The following INPP5A variants were observed in gnomAD, a reference collection of about 807,000 sequenced individuals.
The protein encoded by INPP5A is 43 kDa inositol polyphosphate 5-phophatase.
A neutral mutation model predicts 65.2 loss-of-function variants in INPP5A; 14 were observed. The ratio of observed to expected loss-of-function variants is 0.21; its 90% CI spans 0.14 to 0.34. INPP5A has a LOEUF of 0.34. Ranked by LOEUF, INPP5A falls within the 10% of genes least tolerant of loss-of-function variation. The pLI is 1.00. For missense variants in INPP5A, 431 were observed against 545.6 expected (o/e 0.79, Z 2.09); for synonymous variants, 207 against 208.3 (o/e 0.99, Z 0.05).
chr10:132,619,318 C>A (rs1241303842), intron 2 of INPP5A, among the ~76,000 whole-genome samples: 1 of 152,252 alleles, frequency 6.6e-6, no homozygotes, highest in African/African-American at 2.4e-5. Context: ...AATCTTAAAG[C>A]TCCAAAATCA....
chr10:132,769,802 C>A (rs556662090), intron 12 of INPP5A, among the ~76,000 whole-genome samples: 1 of 139,974 alleles, frequency 7.1e-6, no homozygotes, highest in African/African-American at 2.6e-5. Context: ...CCCGTAGCTC[C>A]CCCCCCCCAA....
In INPP5A at chr10:132,749,841, C is replaced by A. The variant is rs1202678834; in HGVS notation, c.899C>A (p.Thr300Asn). ...GAGGTTTTCCGAGACAACAACGGCA[C>A]CGCGGTGAGTTTGTGGTCCAATGTG... ...NQEVFRDNNG[T>N]ALLEFDKELS... Residue 300 changes from threonine to asparagine, a missense_variant, in exon 11 of 16, where the codon ACC (threonine) becomes AAC (asparagine). Physicochemically the swap from Thr to Asn is moderately conservative, Grantham distance 65. Coordinates refer to ENST00000368594, the MANE Select transcript of INPP5A (RefSeq NM_005539.5). The A allele has an allele frequency of 1.2e-6, 2 of 1,613,008 alleles. No individual in the cohort carries two copies. Among genetic ancestry groups the A allele is most frequent in the Admixed American group, 3.3e-5 (2 of 60,028 alleles).
At chr10:132,750,107 C>CA (rs1003694155) in intron 11 of INPP5A, among the ~76,000 whole-genome samples, 1 of 152,238 alleles carries the variant, frequency 6.6e-6, no homozygotes, top group Non-Finnish European at 1.5e-5. Flanking sequence ...AGAGATCCCC[C>CA]CGTGTGCGAG....
intron 2 of INPP5A, among the ~76,000 whole-genome samples, chr10:132,620,391 C>G (rs182888291): frequency 3.9e-5 from 6 of 152,306 alleles, no homozygotes; most frequent in African/African-American, 1.2e-4. Flanking sequence ...ATGTAAGTTC[C>G]AACTGTAAGT....
chr10:132,649,127 G>A (rs758399728), intron 3 of INPP5A, among the ~76,000 whole-genome samples: 5 of 152,122 alleles, frequency 3.3e-5, no homozygotes, highest in Non-Finnish European at 5.9e-5. Context: ...TTAAGTGGCT[G>A]GGCTCTTTTC....
At chr10:132,683,023 C>CAT (rs112678812) in intron 4 of INPP5A, among the ~76,000 whole-genome samples, 4,421 of 146,660 alleles carry the variant, frequency 0.03, 103 homozygotes, top group African/African-American at 0.055. Flanking sequence ...GTGGAGGGCA[C>CAT]GTCTCCTGTG....
chr10:132,645,267 C>T (rs142166961), intron 2 of INPP5A, among the ~76,000 whole-genome samples: 5,218 of 152,306 alleles, frequency 0.034, 139 homozygotes, highest in Middle Eastern at 0.071. Context: ...AGGTTCCCGG[C>T]TCTGCCACTT....
intron 4 of INPP5A, among the ~76,000 whole-genome samples, chr10:132,660,041 G>A (rs967029132): frequency 1.8e-4 from 28 of 152,174 alleles, no homozygotes; most frequent in African/African-American, 5.5e-4. Flanking sequence ...CCCGCGCTCC[G>A]CCGACGCGTG....
intron 1 of INPP5A, among the ~76,000 whole-genome samples, chr10:132,560,983 T>C (rs1203203500): frequency 6.6e-6 from 1 of 151,940 alleles, no homozygotes; most frequent in Non-Finnish European, 1.5e-5. Flanking sequence ...TAGATAGATA[T>C]GTAATTTACA....
rs529499725 is a variant in INPP5A at position 132,659,667 on chromosome 10, G to A, written c.306+9162G>A. On this transcript the variant is annotated intron_variant, in intron 4 of 15. Coordinates refer to ENST00000368594, the MANE Select transcript of INPP5A (RefSeq NM_005539.5). The surrounding 1 kb of genome is among the most constrained non-coding windows in gnomAD (Gnocchi z 5.5). The stretch of plus-strand genomic sequence containing the variant: ...TCCCCTGCAGAGGAGACCTCTGCAC[G>A]CAGGCCCACAGCAAGGGCCGGATCA... 6.6e-6 allele frequency among the ~76,000 whole-genome samples: 1 copy of A among 152,352 alleles called. No individual in the cohort carries two copies. The highest frequency in any genetic ancestry group is 2.4e-5 in the African/African-American group (1 of 41,588).
At chr10:132,758,131 G>T (rs111608170) in intron 11 of INPP5A, among the ~76,000 whole-genome samples, 6,466 of 92,172 alleles carry the variant, frequency 0.07, 270 homozygotes, top group Non-Finnish European at 0.1. Context: ...GACCCCACAG[G>T]CCAGTGCGAT....
At chr10:132,623,932 G>C (rs2072140334) in intron 2 of INPP5A, among the ~76,000 whole-genome samples, 1 of 152,208 alleles carries the variant, frequency 6.6e-6, no homozygotes, top group South Asian at 2.1e-4. Flanking sequence ...GGGAAATGCA[G>C]ATTACAGCAA....
chr10:132,735,631 C>T (rs1846162874), intron 9 of INPP5A, among the ~76,000 whole-genome samples: 2 of 152,266 alleles, frequency 1.3e-5, no homozygotes, highest in South Asian at 2.1e-4. Flanking sequence ...CTTGCTCTCA[C>T]TGCCGACCGC....
chr10:132,723,010 T>A (rs893908468), intron 8 of INPP5A, among the ~76,000 whole-genome samples: 16 of 152,222 alleles, frequency 1.1e-4, no homozygotes, highest in African/African-American at 2.9e-4. Flanking sequence ...TGACAGCCCC[T>A]TCGTCTTGCG....
intron 1 of INPP5A, among the ~76,000 whole-genome samples, chr10:132,596,241 G>A (rs967694597): frequency 3.9e-5 from 6 of 152,194 alleles, no homozygotes; most frequent in East Asian, 3.8e-4. Context: ...GTGGCATGGC[G>A]GCGTGGCGGC....
At chr10:132,759,662 G>C (rs1338779176) in intron 11 of INPP5A, among the ~76,000 whole-genome samples, 1 of 152,074 alleles carries the variant, frequency 6.6e-6, no homozygotes, top group Admixed American at 6.5e-5. Flanking sequence ...GGGGGCTCTC[G>C]GGGGTCCGGC....
rs984308805 is a variant in INPP5A, at chr10:132,546,574, G to A, written c.75+8403G>A. Among the ~76,000 whole-genome samples, 1 of 152,162 alleles carries A rather than the reference G, an allele frequency of 6.6e-6. No homozygotes were observed. The highest frequency in any genetic ancestry group is 2.4e-5 in the African/African-American group (1 of 41,420). On this transcript the variant is annotated intron_variant, in intron 1 of 15. Transcript: ENST00000368594. The surrounding 1 kb of genome is among the most constrained non-coding windows in gnomAD (Gnocchi z 5.7). ...CTCTCTTGGAAGGTGTAAGGGCTTA[G>A]TAGGGCTGCCTCGGCTGCTGGGGCA...
rs2071119100 is a variant in INPP5A at position 132,555,839 on chromosome 10, A to G, written c.75+17668A>G. 6.6e-6 allele frequency among the ~76,000 whole-genome samples: 1 copy of G among 152,272 alleles called. No homozygotes were observed. The highest frequency in any genetic ancestry group is 2.1e-4 in the South Asian group (1 of 4,818). On this transcript the variant is annotated intron_variant, in intron 1 of 15. Transcript: ENST00000368594. The surrounding 1 kb of genome is among the most constrained non-coding windows in gnomAD (Gnocchi z 4.4). ...GACCAGGGGGTGACTTCAGCGTTTT[A>G]TGGCAGCTGCTGCATTAGGAATCTG...
intron 1 of INPP5A, among the ~76,000 whole-genome samples, chr10:132,543,263 C>G (rs2070929241): frequency 6.6e-6 from 1 of 152,104 alleles, no homozygotes; most frequent in Non-Finnish European, 1.5e-5. Context: ...CCACCCCCTG[C>G]AGTCAGTTTT....
Sources: gnomAD v4.1 joint callset for allele counts (sites outside exome capture counted in the v4.1 genomes callset) on GRCh38, gnomAD v4.1.1 for gene constraint, Gnocchi (gnomAD v3.1) non-coding constraint, MANE v1.5 for transcripts, NCBI Gene and HGNC (gene_info 2026-07-23, HGNC 2026-07-21) for gene names.